GUCY2F: variants seen among roughly 807,000 people sequenced by gnomAD.
GUCY2F encodes retinal guanylyl cyclase 2.
Under a neutral mutation model 73.1 loss-of-function variants are expected in GUCY2F, and 61 were observed. The ratio of observed to expected loss-of-function variants is 0.83; its 90% confidence interval spans 0.68 to 1.03. GUCY2F has a LOEUF of 1.03. Ranked by LOEUF, GUCY2F falls within the 50% of genes least tolerant of loss-of-function variation. The pLI, the probability that GUCY2F is intolerant of heterozygous loss-of-function variation, is 0.00. For synonymous variants in GUCY2F, 331 were observed against 307.8 expected (o/e 1.08, Z -0.79); for missense variants, 912 against 854.3 (o/e 1.07, Z -0.84).
At chrX:109,420,979 G>T (rs936307139) in intron 8 of GUCY2F, among the ~76,000 whole-genome samples, 13 of 111,151 alleles carry the variant, frequency 1.2e-4, no homozygotes, top group African/African-American at 3.6e-4. Flanking sequence ...GTTCACAAAA[G>T]ACATATATAA....
chrX:109,384,571 T>C (rs1930390998), intron 16 of GUCY2F, among the ~76,000 whole-genome samples: 1 of 111,965 alleles, frequency 8.9e-6, no homozygotes, highest in African/African-American at 3.2e-5. Flanking sequence ...TCTTTGATAG[T>C]ATGTCTGTTT....
chrX:109,453,896 C>T (rs977953815), intron 3 of GUCY2F, 37 bp from the exon 4 acceptor site: 9 of 793,673 alleles, frequency 1.1e-5, no homozygotes, highest in East Asian at 3.4e-5. Flanking sequence ...GAGCCCTGGT[C>T]GCCCTAGAGC....
chrX:109,418,638 C>A (rs765526425), intron 8 of GUCY2F, among the ~76,000 whole-genome samples: 3 of 110,987 alleles, frequency 2.7e-5, no homozygotes, highest in Non-Finnish European at 5.7e-5. Flanking sequence ...TTGCAGGATG[C>A]AGCTACAGCA....
intron 3 of GUCY2F, among the ~76,000 whole-genome samples, chrX:109,462,872 T>C (rs773506354): frequency 4.6e-4 from 51 of 111,892 alleles, no homozygotes; most frequent in Non-Finnish European, 8.1e-4. Context: ...ATCAAACAAC[T>C]GGTTTGACCG....
intron 2 of GUCY2F, among the ~76,000 whole-genome samples, chrX:109,474,409 T>C (rs1025858627): frequency 6.3e-5 from 7 of 110,991 alleles, no homozygotes; most frequent in Non-Finnish European, 1.3e-4. Flanking sequence ...TTGCCATAAG[T>C]GTGAGTAAAA....
chrX:109,384,867 C>T (rs113819607), intron 16 of GUCY2F, among the ~76,000 whole-genome samples: 9 of 111,074 alleles, frequency 8.1e-5, no homozygotes, highest in African/African-American at 1.6e-4. Context: ...CCCACAAGCC[C>T]GGCCAATTTT....
At chrX:109,396,215 G>C (rs767454879) in intron 11 of GUCY2F, among the ~76,000 whole-genome samples, 46 of 111,198 alleles carry the variant, frequency 4.1e-4, no homozygotes, top group African/African-American at 1.4e-3. Flanking sequence ...CTGTTACACT[G>C]TCCTGCTTCC....
chrX:109,402,547 A>C (rs1309057100), intron 10 of GUCY2F, among the ~76,000 whole-genome samples: 2 of 110,514 alleles, frequency 1.8e-5, no homozygotes, highest in African/African-American at 3.3e-5. Flanking sequence ...TAATTTTTGT[A>C]TTTTTAGTAG....
chrX:109,373,037 T>C (rs1376758030), intron 19 of GUCY2F, 38 bp from the exon 20 acceptor site: 1 of 112,738 alleles, frequency 8.9e-6, no homozygotes, highest in African/African-American at 3.2e-5. Flanking sequence ...CCATACCTTA[T>C]ATATCCTAGG....
In GUCY2F at chrX:109,383,211, T is replaced by G. The variant is rs144471558; in HGVS notation, c.3056-999A>C. The G allele has an allele frequency of 3.6e-3, 432 of 120,075 alleles. 1 individual carries two copies. Among genetic ancestry groups the G allele is most frequent in the African/African-American group, 0.013 (402 of 30,943 alleles). The allele number at this position is 120,075 out of a possible 1,213,427, so 9.9% of individuals were successfully genotyped here. A position where few individuals can be genotyped will look rare whatever the true frequency, so the allele number is the denominator to read the frequency against. ...TCCAAAGCCCTTACTCAAAAAAGGT[T>G]GACCTATTCCTAAAATACACATGCC... On this transcript the variant is annotated intron_variant, in intron 16 of 19. Transcript: ENST00000218006.
At position 109,441,457 on chromosome X, in the gene GUCY2F, A is replaced by G. The variant is rs1569368719; in HGVS notation, c.1595T>C (p.Phe532Ser). The G allele has an allele frequency of 8.5e-7, 1 of 1,181,180 alleles. No homozygotes were observed. The highest frequency in any genetic ancestry group is 2.3e-5 in the Admixed American group (1 of 43,110). The change falls in exon 7 of 20, where the codon TTC (phenylalanine) becomes TCC (serine). Residue 532 changes from phenylalanine (F) to serine (S), a missense_variant. Physicochemically the swap from Phe to Ser is radical, Grantham distance 155 (BLOSUM62 -2). Coordinates refer to ENST00000218006, the MANE Select transcript of GUCY2F (RefSeq NM_001522.3). The part of the protein sequence containing the change: ...SKRGSRASVS[F>S]QITSEVQSGR... The stretch of plus-strand genomic sequence containing the variant: ...ACTTTGGACCTCTGAGGTAATCTGG[A>G]AGCTTACACTGGCACGACTTCCTCT...
intron 7 of GUCY2F, among the ~76,000 whole-genome samples, chrX:109,433,822 T>C (rs1931670063): frequency 9.0e-6 from 1 of 110,964 alleles, no homozygotes; most frequent in African/African-American, 3.3e-5. Flanking sequence ...ATCCTAGACC[T>C]GGCCCTGCTT....
Position 109,430,489 on chromosome X carries a change from T to C in GUCY2F, c.1702-93A>G. On this transcript the variant is annotated intron_variant, in intron 7 of 19. Coordinates refer to ENST00000218006, the MANE Select transcript of GUCY2F (RefSeq NM_001522.3). Reference sequence around the variant, plus strand: ...CTTCCACATAAAGGGTTTATACCTATACCAGCAATCCAAATAGACATTTTC... The same window carrying C: ...CTTCCACATAAAGGGTTTATACCTACACCAGCAATCCAAATAGACATTTTC... 9.4e-6 allele frequency: 5 copies of C among 532,438 alleles called. No homozygotes were observed. The South Asian group carries it at 1.5e-4, about 16-fold the overall frequency. The allele number at this position is 532,438 out of a possible 1,213,427, so 43.9% of individuals were successfully genotyped here.
In GUCY2F at chrX:109,465,385, C is replaced by T; in HGVS notation, c.789G>A (p.Leu263=). ...LIGGETQMHL[L]ECAHDLKMTD... ...TCATTTTCAGATCATGAGCACATTCCAAGAGATGCATCTGAGTCTCTCCCC... is the reference window on the plus strand; with the variant it reads ...TCATTTTCAGATCATGAGCACATTCTAAGAGATGCATCTGAGTCTCTCCCC... Residue 263 remains leucine, a synonymous_variant, in exon 3 of 20, where the codon TTG becomes TTA. Transcript: ENST00000218006. 7.5e-6 allele frequency: 9 copies of T among 1,201,060 alleles called. No homozygotes were observed. Among genetic ancestry groups the T allele is most frequent in the Non-Finnish European group, 1.0e-5 (9 of 886,011 alleles).
At chrX:109,429,601 A>G (rs1260690176) in intron 8 of GUCY2F, among the ~76,000 whole-genome samples, 1 of 111,778 alleles carries the variant, frequency 8.9e-6, no homozygotes, top group Non-Finnish European at 1.9e-5. Context: ...GAAATTGCTC[A>G]CTTCATAAAT....
chrX:109,378,531 A>T (rs967372937), intron 17 of GUCY2F, among the ~76,000 whole-genome samples: 4 of 111,679 alleles, frequency 3.6e-5, no homozygotes, highest in Non-Finnish European at 5.6e-5. Flanking sequence ...TGGGGCAAGA[A>T]TTTGAGGCAA....
chrX:109,390,576 C>T (rs1337269721), intron 14 of GUCY2F, among the ~76,000 whole-genome samples: 1 of 112,388 alleles, frequency 8.9e-6, no homozygotes, highest in Middle Eastern at 4.2e-3. Context: ...CCATTAAGTA[C>T]CAAAATATCT....
intron 7 of GUCY2F, among the ~76,000 whole-genome samples, chrX:109,430,802 G>A (rs1205485777): frequency 8.9e-6 from 1 of 111,871 alleles, no homozygotes; most frequent in Non-Finnish European, 1.9e-5. Flanking sequence ...GGCGTCTGTA[G>A]AGGGAAATGT....
intron 2 of GUCY2F, among the ~76,000 whole-genome samples, chrX:109,466,722 C>G (rs950560208): frequency 1.8e-5 from 2 of 111,885 alleles, no homozygotes; most frequent in African/African-American, 6.5e-5. Context: ...GACTCTATTG[C>G]TACTGGTAAA....
Sources: gnomAD v4.1 joint callset for allele counts (sites outside exome capture counted in the v4.1 genomes callset) on GRCh38, gnomAD v4.1.1 for gene constraint, MANE v1.5 for transcripts, NCBI Gene and HGNC (gene_info 2026-07-23, HGNC 2026-07-21) for gene names.